Variants in HGF observed in about 807,000 individuals in gnomAD.
The protein encoded by HGF is hepatocyte growth factor.
A neutral mutation model predicts 111.6 loss-of-function variants in HGF; 39 were observed. That is an observed-to-expected ratio of 0.35 (90% CI 0.27 to 0.46). The LOEUF (loss-of-function observed/expected upper bound fraction) is 0.46. Ranked by LOEUF, HGF falls within the 20% of genes least tolerant of loss-of-function variation. HGF has a pLI of 1.00. For missense variants in HGF, 735 were observed against 910.5 expected, an observed-to-expected ratio of 0.81 and a Z score of 2.48; for synonymous variants, 285 against 294.8, an observed-to-expected ratio of 0.97 and a Z score of 0.34.
At chr7:81,727,638 T>C (rs1790054263) in intron 8 of HGF, among the ~76,000 whole-genome samples, 1 of 152,190 alleles carries the variant, frequency 6.6e-6, no homozygotes, top group African/African-American at 2.4e-5. Context: ...GAACTTTGCA[T>C]ACACTTTGGT....
At chr7:81,721,091 C>CA (rs906757015) in intron 9 of HGF, among the ~76,000 whole-genome samples, 1 of 151,998 alleles carries the variant, frequency 6.6e-6, no homozygotes, top group African/African-American at 2.4e-5. Flanking sequence ...TTTAAAAATA[C>CA]AAAAAATTAG....
intron 1 of HGF, among the ~76,000 whole-genome samples, chr7:81,763,864 C>T (rs780577806): frequency 5.3e-5 from 8 of 151,984 alleles, no homozygotes; most frequent in Non-Finnish European, 8.8e-5. Flanking sequence ...CCAAAGAAAC[C>T]AAGACATAGA....
At chr7:81,752,809 T>C (rs1583993488) in intron 4 of HGF, among the ~76,000 whole-genome samples, 2 of 152,116 alleles carry the variant, frequency 1.3e-5, no homozygotes, top group African/African-American at 4.8e-5. Context: ...CTCACTTTCT[T>C]ACTGTGAGAC....
In HGF at chr7:81,767,039, C is replaced by T. The variant is rs189431344; in HGVS notation, c.88+2845G>A. 5.9e-5 allele frequency among the ~76,000 whole-genome samples: 9 copies of T among 152,176 alleles called. No homozygotes were observed. The South Asian group carries it at 1.2e-3, about 21-fold the overall frequency. Reference sequence around the variant, plus strand: ...CTTCCTGGGACATTCCTTATACTTACGAACCTCTGTACCTTGGGCCACTTG... The same window carrying T: ...CTTCCTGGGACATTCCTTATACTTATGAACCTCTGTACCTTGGGCCACTTG... On this transcript the variant is annotated intron_variant, in intron 1 of 17. Coordinates refer to ENST00000222390, the MANE Select transcript of HGF (RefSeq NM_000601.6).
intron 10 of HGF, 121 bp downstream of exon 10, chr7:81,720,624 T>C (rs1269445658): frequency 2.9e-6 from 2 of 688,372 alleles, no homozygotes; most frequent in Non-Finnish European, 5.2e-6. Flanking sequence ...ACCAATCTAA[T>C]GCTTTTATTA....
Position 81,769,967 on chromosome 7 carries a change from C to A in HGF, c.5G>T (p.Trp2Leu). M[W>L]VTKLLPALLL... ...CAGGGCTGGCAGGAGTTTGGTCACC[C>A]ACATGGTGCTGCTGGACGGGCTGGC... Residue 2 changes from tryptophan to leucine, a missense_variant, in exon 1 of 18, where the codon TGG (tryptophan) becomes TTG (leucine). Transcript: ENST00000222390. The A allele has an allele frequency of 6.4e-7, 1 of 1,555,162 alleles. No homozygotes were observed. Among genetic ancestry groups the A allele is most frequent in the Non-Finnish European group, 8.7e-7 (1 of 1,149,220 alleles).
At chr7:81,767,167 G>A (rs920169856) in intron 1 of HGF, among the ~76,000 whole-genome samples, 7 of 151,942 alleles carry the variant, frequency 4.6e-5, no homozygotes, top group Non-Finnish European at 7.4e-5. Context: ...TGCTGAAAAT[G>A]AACTCTCAAC....
At chr7:81,732,709 G>A (rs1049778460) in intron 7 of HGF, among the ~76,000 whole-genome samples, 5 of 152,008 alleles carry the variant, frequency 3.3e-5, no homozygotes, top group Admixed American at 3.3e-4. Context: ...GGTGCAATGA[G>A]CAACTATAAG....
rs1417717834 is a variant in HGF at position 81,701,033 on chromosome 7, A to G, written c.*1548T>C. 6.6e-6 allele frequency: 1 copy of G among 151,672 alleles called. No individual in the cohort carries two copies. The allele number at this position is 151,672 out of a possible 1,614,324, so 9.4% of individuals were successfully genotyped here. ...AATTATTTTTAAAGGTGTTTTGTAC[A>G]GGAAGATTTCTGCAAAAATTCAAAG... On this transcript the variant is annotated 3_prime_UTR_variant, in exon 18 of 18. Transcript: ENST00000222390.
intron 5 of HGF, among the ~76,000 whole-genome samples, chr7:81,747,579 C>T (rs1035912538): frequency 5.3e-5 from 8 of 152,054 alleles, no homozygotes; most frequent in African/African-American, 1.4e-4. Flanking sequence ...TTTTAGAAAG[C>T]AATGAAAGTT....
chr7:81,756,668 G>A (rs1788783043), intron 4 of HGF: 2 of 159,138 alleles, frequency 1.3e-5, no homozygotes, highest in Admixed American at 1.2e-4. Context: ...ATCATGGTGG[G>A]AGCTCAAAAA....
At chr7:81,709,181 G>T (rs1027095120) in intron 13 of HGF, among the ~76,000 whole-genome samples, 3 of 152,070 alleles carry the variant, frequency 2.0e-5, no homozygotes, top group Admixed American at 6.6e-5. Context: ...CTAAAAGAGG[G>T]GATATTTAGG....
At chr7:81,730,835 A>T (rs1336354563) in intron 7 of HGF, among the ~76,000 whole-genome samples, 1 of 152,172 alleles carries the variant, frequency 6.6e-6, no homozygotes, top group African/African-American at 2.4e-5. Flanking sequence ...ATGGCCATTC[A>T]AGATGCCTCT....
Position 81,762,779 on chromosome 7 carries a change from G to T in HGF, c.182C>A (p.Thr61Asn), listed in dbSNP as rs142659098. 3 of 1,610,974 alleles carry T rather than the reference G, an allele frequency of 1.9e-6. No individual in the cohort carries two copies. Among genetic ancestry groups the T allele is most frequent in the African/African-American group, 2.7e-5 (2 of 74,942 alleles). The change falls in exon 2 of 18, where the codon ACC (threonine) becomes AAC (asparagine). Residue 61 changes from threonine (T) to asparagine (N), a missense_variant. By Grantham distance (65) the Thr-to-Asn change is moderately conservative. Transcript: ENST00000222390. ...TTGGTCTGCAGTATTCACTTTTTTG[G>T]TTTTTATCTTCAGTGCTGGATCTAT... ...IKIDPALKIKTKKVNTADQCA... is the reference protein window; with the variant it reads ...IKIDPALKIKNKKVNTADQCA...
chr7:81,729,790 A>G lies in HGF; in HGVS notation c.866-11T>C. 1 of 1,519,340 alleles carries G rather than the reference A, an allele frequency of 6.6e-7. No individual in the cohort carries two copies. The allele number at this position is 1,519,340 out of a possible 1,614,324, so 94.1% of individuals were successfully genotyped here. A position where few individuals can be genotyped will look rare whatever the true frequency, so the allele number is the denominator to read the frequency against. On this transcript the variant is annotated splice_polypyrimidine_tract_variant and intron_variant, in intron 7 of 17. Coordinates refer to ENST00000222390, the MANE Select transcript of HGF (RefSeq NM_000601.6). ...TCATAGTATTGTCAGCTATTGGCAA[A>G]AAACAACAACAAAAAAAAACTTATA...
chr7:81,706,536 A>C, intron 14 of HGF, 109 bp from the exon 15 acceptor site: 2 of 858,614 alleles, frequency 2.3e-6, no homozygotes, highest in Non-Finnish European at 3.7e-6. Context: ...ACCTAAATTT[A>C]AAATTTGATT....
intron 1 of HGF, among the ~76,000 whole-genome samples, chr7:81,764,531 G>A (rs1043644287): frequency 1.3e-5 from 2 of 151,962 alleles, no homozygotes; most frequent in Non-Finnish European, 2.9e-5. Flanking sequence ...TACAACACTG[G>A]CAATCTTATT....
intron 1 of HGF, among the ~76,000 whole-genome samples, chr7:81,768,165 C>T (rs761823392): frequency 2.0e-5 from 3 of 152,176 alleles, no homozygotes; most frequent in Non-Finnish European, 4.4e-5. Context: ...GTTCATAATG[C>T]ATGCCGAAAA....
chr7:81,736,675 G>C (rs1237706265), intron 7 of HGF: 2 of 462,966 alleles, frequency 4.3e-6, no homozygotes, highest in African/African-American at 2.0e-5. Context: ...GGCATGGCTG[G>C]GGTAAAGAGA....
Sources: allele counts gnomAD v4.1 joint callset (sites outside exome capture counted in the v4.1 genomes callset), GRCh38; gene constraint gnomAD v4.1.1; transcripts MANE v1.5; gene names NCBI Gene and HGNC (gene_info 2026-07-23, HGNC 2026-07-21).